The following KANSL1L variants were observed in gnomAD, a reference collection of about 807,000 sequenced individuals.
KANSL1L encodes KAT8 regulatory NSL complex subunit 1 like.
Under a neutral mutation model 108.6 loss-of-function variants are expected in KANSL1L, and 25 were observed. The ratio of observed to expected loss-of-function variants is 0.23; its 90% confidence interval spans 0.17 to 0.32. The LOEUF is 0.32. Among genes scored for constraint, KANSL1L ranks in the 10% least tolerant of loss-of-function variants. The pLI, the probability that KANSL1L is intolerant of heterozygous loss-of-function variation, is 1.00. For synonymous variants in KANSL1L, 405 were observed against 395.1 expected, an observed-to-expected ratio of 1.03 and a Z score of -0.30; for missense variants, 1,137 against 1,125.7, an observed-to-expected ratio of 1.01 and a Z score of -0.14.
At chr2:210,029,450 TAAC>T (rs1439407607) in intron 10 of KANSL1L, among the ~76,000 whole-genome samples, 1 of 151,780 alleles carries the variant, frequency 6.6e-6, no homozygotes, top group African/African-American at 2.4e-5. Context: ...CCTGGCCAGA[TAAC>T]AAAAAAACAA....
intron 6 of KANSL1L, among the ~76,000 whole-genome samples, chr2:210,071,455 G>A (rs2094507296): frequency 6.6e-6 from 1 of 151,886 alleles, no homozygotes. Context: ...TTTTAGTAGA[G>A]ACGGGATTTT....
rs2093853980 is a variant in KANSL1L, at chr2:210,021,450, T to C, written c.*1499A>G. On this transcript the variant is annotated 3_prime_UTR_variant, in exon 15 of 15. Coordinates refer to ENST00000281772, the MANE Select transcript of KANSL1L (RefSeq NM_152519.4). ...ATAGAAATAACTTTAATTAAAAAACTTACATAGAAGATTATAATATCAGAC... is the reference window on the plus strand; with the variant it reads ...ATAGAAATAACTTTAATTAAAAAACCTACATAGAAGATTATAATATCAGAC... The C allele has an allele frequency of 2.0e-5, 3 of 152,482 alleles. No individual in the cohort carries two copies. Among genetic ancestry groups the C allele is most frequent in the Non-Finnish European group, 4.4e-5 (3 of 67,984 alleles). 9.4% of individuals were successfully genotyped at this position (152,482 alleles called of 1,614,324 possible). A position where few individuals can be genotyped will look rare whatever the true frequency, so the allele number is the denominator to read the frequency against.
intron 2 of KANSL1L, among the ~76,000 whole-genome samples, chr2:210,131,738 C>T (rs1442129721): frequency 6.1e-5 from 9 of 147,158 alleles, no homozygotes; most frequent in African/African-American, 2.0e-4. Context: ...TTTGCTGTGT[C>T]GTCCAGGCTG....
intron 3 of KANSL1L, among the ~76,000 whole-genome samples, chr2:210,108,060 G>A (rs2094867924): frequency 6.6e-6 from 1 of 151,882 alleles, no homozygotes; most frequent in South Asian, 2.1e-4. Flanking sequence ...GACAGTACTG[G>A]CCATCCTTCT....
At chr2:210,093,952 A>C (rs371551042) in intron 5 of KANSL1L, among the ~76,000 whole-genome samples, 1 of 152,194 alleles carries the variant, frequency 6.6e-6, no homozygotes, top group East Asian at 1.9e-4. Context: ...AAGTACAATA[A>C]GTTTGTCACA....
At chr2:210,150,510 C>T (rs967675699) in intron 2 of KANSL1L, among the ~76,000 whole-genome samples, 12 of 151,972 alleles carry the variant, frequency 7.9e-5, no homozygotes, top group Non-Finnish European at 1.3e-4. Context: ...TGGCTGGGTG[C>T]GGTGGCTCAT....
At chr2:210,138,231 T>G (rs888048807) in intron 2 of KANSL1L, among the ~76,000 whole-genome samples, 2 of 152,024 alleles carry the variant, frequency 1.3e-5, no homozygotes, top group Admixed American at 6.5e-5. Context: ...AACCAAATAC[T>G]GCATGTTCTC....
chr2:210,105,034 T>C (rs913761678), intron 3 of KANSL1L, among the ~76,000 whole-genome samples: 7 of 152,090 alleles, frequency 4.6e-5, no homozygotes, highest in African/African-American at 1.7e-4. Flanking sequence ...TACTTATTCC[T>C]CAACTGGTTT....
intron 6 of KANSL1L, among the ~76,000 whole-genome samples, chr2:210,045,560 AT>A (rs1275080701): frequency 3.3e-5 from 5 of 152,180 alleles, no homozygotes; most frequent in Non-Finnish European, 5.9e-5. Context: ...CTCATTGCTC[AT>A]AGCTCTTTCC....
chr2:210,170,308 T>C, intron 1 of KANSL1L: 2 of 962,714 alleles, frequency 2.1e-6, no homozygotes, highest in Non-Finnish European at 2.5e-6. Context: ...GTCCTGAAGT[T>C]TGGGGAATCA....
chr2:210,038,876 T>G (rs1302693587), intron 8 of KANSL1L, among the ~76,000 whole-genome samples: 1 of 151,942 alleles, frequency 6.6e-6, no homozygotes, highest in Admixed American at 6.5e-5. Flanking sequence ...CCTTATAGAA[T>G]TATACAGACT....
chr2:210,109,669 T>A (rs1377676221), intron 3 of KANSL1L, among the ~76,000 whole-genome samples: 1 of 152,158 alleles, frequency 6.6e-6, no homozygotes, highest in Non-Finnish European at 1.5e-5. Flanking sequence ...GAGAGCTTCT[T>A]ACCCTAGGTG....
chr2:210,127,089 A>G (rs2095072880), intron 3 of KANSL1L, among the ~76,000 whole-genome samples: 1 of 152,160 alleles, frequency 6.6e-6, no homozygotes, highest in Non-Finnish European at 1.5e-5. Context: ...CCAATGTGGT[A>G]CTGGCATAAA....
At position 210,053,179 on chromosome 2, in the gene KANSL1L, G is replaced by C. The variant is rs182113254; in HGVS notation, c.1756-9075C>G. 2.8e-4 allele frequency among the ~76,000 whole-genome samples: 43 copies of C among 152,336 alleles called. No homozygotes were observed. In the East Asian group the frequency reaches 7.3e-3, roughly 26 times the overall value. ...TAACTTCAAGTTTATTTAAAGGCCT[G>C]AAGGGAAGATAATGGTCCATTTTTT... On this transcript the variant is annotated intron_variant, in intron 6 of 14. Transcript: ENST00000281772.
At chr2:210,064,835 A>C (rs1202253984) in intron 6 of KANSL1L, among the ~76,000 whole-genome samples, 2 of 151,510 alleles carry the variant, frequency 1.3e-5, no homozygotes, top group African/African-American at 4.9e-5. Context: ...AAAAAAAAAA[A>C]AAACACAGGA....
chr2:210,035,390 G>A (rs1440231465), intron 8 of KANSL1L: 1 of 152,110 alleles, frequency 6.6e-6, no homozygotes, highest in African/African-American at 2.4e-5. Flanking sequence ...CAAATCTAAT[G>A]GACCATACAG....
At chr2:210,160,148 GA>G (rs1437131276) in intron 1 of KANSL1L, among the ~76,000 whole-genome samples, 1 of 152,192 alleles carries the variant, frequency 6.6e-6, no homozygotes, top group African/African-American at 2.4e-5. Context: ...CCATTCATGA[GA>G]AAAACTCAGC....
intron 2 of KANSL1L, among the ~76,000 whole-genome samples, chr2:210,141,191 T>G (rs1451705155): frequency 6.7e-6 from 1 of 149,320 alleles, no homozygotes. Context: ...TCTCTCCCTT[T>G]CTCTTTTTCT....
upstream of KANSL1L, chr2:210,171,828 A>C (rs1688359629): frequency 1.3e-5 from 2 of 152,122 alleles, no homozygotes; most frequent in Admixed American, 1.3e-4. Context: ...GCCGCTCCAC[A>C]GGCGAGTTTT....
Sources: allele counts gnomAD v4.1 joint callset (sites outside exome capture counted in the v4.1 genomes callset), GRCh38; gene constraint gnomAD v4.1.1; transcripts MANE v1.5; gene names NCBI Gene and HGNC (gene_info 2026-07-23, HGNC 2026-07-21).